The following ULK4 variants were observed in gnomAD, a reference collection of about 807,000 sequenced individuals.
ULK4 encodes the protein unc-51 like kinase 4.
Under a neutral mutation model 160.6 loss-of-function variants are expected in ULK4, and 133 were observed. The observed-to-expected ratio is 0.83, with a 90% confidence interval of 0.72 to 0.96. The LOEUF is 0.96. Among genes scored for constraint, ULK4 ranks in the 40% least tolerant of loss-of-function variants. The pLI is 0.00. For missense variants in ULK4, 1,580 were observed against 1,499.5 expected (o/e 1.05, Z -0.89); for synonymous variants, 534 against 539.8 (o/e 0.99, Z 0.15).
At chr3:41,858,517 T>A (rs1350172175) in intron 17 of ULK4, among the ~76,000 whole-genome samples, 1 of 150,096 alleles carries the variant, frequency 6.7e-6, no homozygotes, top group Non-Finnish European at 1.5e-5. Context: ...CAATTTTTTT[T>A]TTTTTTTTTT....
At chr3:41,566,279 T>C (rs1046639706) in intron 31 of ULK4, 149 bp from the exon 32 acceptor site, 2 of 661,812 alleles carry the variant, frequency 3.0e-6, no homozygotes, top group South Asian at 2.0e-5. Context: ...CATCCTTCTA[T>C]GTTAAGACAA....
chr3:41,464,861 G>A (rs929100506), intron 32 of ULK4, among the ~76,000 whole-genome samples: 1 of 152,198 alleles, frequency 6.6e-6, no homozygotes. Context: ...GCTTACTTCA[G>A]AGTAAACAGT....
At chr3:41,699,556 T>C (rs1240390234) in intron 27 of ULK4, among the ~76,000 whole-genome samples, 4 of 152,178 alleles carry the variant, frequency 2.6e-5, no homozygotes, top group Admixed American at 6.5e-5. Context: ...CACTGTCCTA[T>C]AGGCCAGATT....
chr3:41,663,708 G>T lies in ULK4; in HGVS notation c.2979-9C>A. On this transcript the variant is annotated splice_polypyrimidine_tract_variant and intron_variant, in intron 29 of 36. Transcript: ENST00000301831. ...AAAGAATGTGCTCATACCTGAAATG[G>T]TAAAGACATTTAAAAAATACTCAGT... 6.2e-7 allele frequency: 1 copy of T among 1,610,792 alleles called. No homozygotes were observed.
At chr3:41,839,577 A>G (rs1285983819) in intron 17 of ULK4, among the ~76,000 whole-genome samples, 1 of 151,772 alleles carries the variant, frequency 6.6e-6, no homozygotes, top group Non-Finnish European at 1.5e-5. Context: ...TATAAATTTC[A>G]CCACATAGAA....
intron 35 of ULK4, among the ~76,000 whole-genome samples, chr3:41,325,764 A>T (rs1296132319): frequency 1.3e-5 from 2 of 151,988 alleles, no homozygotes; most frequent in Non-Finnish European, 2.9e-5. Context: ...AAAAATACAA[A>T]AAATATCAGC....
chr3:41,498,676 A>C (rs1162671772), intron 32 of ULK4, among the ~76,000 whole-genome samples: 1 of 151,890 alleles, frequency 6.6e-6, no homozygotes, highest in Non-Finnish European at 1.5e-5. Flanking sequence ...GCCCACTGCA[A>C]GCTCTGCCTC....
At chr3:41,793,242 GTTCAAAATTCAC>G (rs1040159835) in intron 20 of ULK4, among the ~76,000 whole-genome samples, 3 of 151,640 alleles carry the variant, frequency 2.0e-5, no homozygotes, top group African/African-American at 7.3e-5. Flanking sequence ...AACTGTTCCA[GTTCAAAATTCAC>G]TTCAAAATTT....
At chr3:41,334,635 G>C (rs1166784099) in intron 35 of ULK4, among the ~76,000 whole-genome samples, 2 of 152,078 alleles carry the variant, frequency 1.3e-5, no homozygotes, top group Non-Finnish European at 2.9e-5. Context: ...CCACTTCCAG[G>C]GCTCTCCAAA....
At chr3:41,515,388 C>A (rs1349486573) in intron 32 of ULK4, among the ~76,000 whole-genome samples, 2 of 150,836 alleles carry the variant, frequency 1.3e-5, no homozygotes, top group Non-Finnish European at 3.0e-5. Flanking sequence ...TAAAAAAAAA[C>A]ACTGATAAAA....
At chr3:41,673,763 C>T (rs969593925) in intron 29 of ULK4, among the ~76,000 whole-genome samples, 2 of 151,902 alleles carry the variant, frequency 1.3e-5, no homozygotes, top group East Asian at 1.9e-4. Flanking sequence ...AATTGCACAG[C>T]GTATTTTTCC....
chr3:41,389,422 G>C (rs1448848051), intron 35 of ULK4, among the ~76,000 whole-genome samples: 1 of 152,176 alleles, frequency 6.6e-6, no homozygotes. Context: ...AATAGGAGTG[G>C]TGAGAGAGGG....
intron 34 of ULK4, among the ~76,000 whole-genome samples, chr3:41,431,484 A>G (rs1387828783): frequency 5.4e-5 from 8 of 147,158 alleles, no homozygotes; most frequent in Non-Finnish European, 8.9e-5. Flanking sequence ...CTGTGCTAAG[A>G]GTTCTTCATG....
intron 27 of ULK4, among the ~76,000 whole-genome samples, chr3:41,701,548 A>G (rs1379361166): frequency 1.3e-5 from 2 of 152,224 alleles, no homozygotes; most frequent in African/African-American, 4.8e-5. Flanking sequence ...GTTTGCCACC[A>G]GCACATGTAA....
intron 35 of ULK4, among the ~76,000 whole-genome samples, chr3:41,390,330 T>C (rs544652627): frequency 5.3e-5 from 8 of 152,194 alleles, no homozygotes; most frequent in East Asian, 3.8e-4. Context: ...CCTGGATTCA[T>C]TGATTTTTTG....
At position 41,918,593 on chromosome 3, in the gene ULK4, T is replaced by A. The variant is rs1699054813; in HGVS notation, c.644-53A>T. On this transcript the variant is annotated intron_variant, in intron 6 of 36. Coordinates refer to ENST00000301831, the MANE Select transcript of ULK4 (RefSeq NM_017886.4). ...GAAAGAAGTCTGCTATCACCAATAA[T>A]TCTTTTTTTTTTTTTTTTTTTTTTT... 7 of 562,276 alleles carry A rather than the reference T, an allele frequency of 1.2e-5. No homozygotes were observed. The East Asian group carries it at 1.4e-4, about 11-fold the overall frequency. 34.8% of individuals were successfully genotyped at this position (562,276 alleles called of 1,614,324 possible).
chr3:41,363,535 T>C (rs1317462293), intron 35 of ULK4, among the ~76,000 whole-genome samples: 4 of 152,184 alleles, frequency 2.6e-5, no homozygotes, highest in East Asian at 1.9e-4. Context: ...AATGTGTGCA[T>C]TATGCAGTGT....
At chr3:41,509,030 G>T (rs1485513974) in intron 32 of ULK4, among the ~76,000 whole-genome samples, 1 of 152,044 alleles carries the variant, frequency 6.6e-6, no homozygotes, top group Non-Finnish European at 1.5e-5. Context: ...AATCAAGGAG[G>T]CATCAGAGAA....
In ULK4 at chr3:41,421,640, T is replaced by C. The variant is rs1404197429; in HGVS notation, c.3493-23376A>G. Among the ~76,000 whole-genome samples, 3 of 152,346 alleles carry C rather than the reference T, an allele frequency of 2.0e-5. No individual in the cohort carries two copies. In the East Asian group the frequency reaches 5.8e-4, roughly 29 times the overall value. Reference sequence around the variant, plus strand: ...AATATTATTTGGTTATATTAAGTAATGTACTGCTAGATTTAATTTTCTTTT... The same window carrying C: ...AATATTATTTGGTTATATTAAGTAACGTACTGCTAGATTTAATTTTCTTTT... On this transcript the variant is annotated intron_variant, in intron 34 of 36. Coordinates refer to ENST00000301831, the MANE Select transcript of ULK4 (RefSeq NM_017886.4).
Sources: gnomAD v4.1 joint callset for allele counts (sites outside exome capture counted in the v4.1 genomes callset) on GRCh38, gnomAD v4.1.1 for gene constraint, MANE v1.5 for transcripts, NCBI Gene and HGNC (gene_info 2026-07-23, HGNC 2026-07-21) for gene names.